IRS4: variants seen among roughly 807,000 people sequenced by gnomAD.
The protein encoded by IRS4 is insulin receptor substrate 4, also known as 160 kDa phosphotyrosine protein.
In IRS4, 15 loss-of-function variants were observed where a neutral mutation model predicts 48.6. The observed-to-expected ratio is 0.31, with a 90% CI of 0.21 to 0.48. The LOEUF (loss-of-function observed/expected upper bound fraction) is 0.48, where lower values mean the gene tolerates loss of function less well. Ranked by LOEUF, IRS4 falls within the 20% of genes least tolerant of loss-of-function variation. The probability of loss-of-function intolerance (pLI) is 0.99; values close to 1 mark genes in which losing one functional copy is unlikely to be tolerated. For synonymous variants in IRS4, 459 were observed against 413.2 expected (o/e 1.11, Z -1.34); for missense variants, 987 against 1,023.4 (o/e 0.96, Z 0.49).
chrX:108,735,985 G>A lies in IRS4; in HGVS notation c.360C>T (p.His120=). The A allele has an allele frequency of 1.7e-6, 2 of 1,209,714 alleles. No individual in the cohort carries two copies. The highest frequency in any genetic ancestry group is 2.2e-6 in the Non-Finnish European group (2 of 894,862). The change falls in exon 1 of 2, where the codon CAC becomes CAT. Residue 120 remains histidine (H), a synonymous_variant. Transcript: ENST00000372129. ...CTGCAGCCGCCGCGGCGCGGACACT[G>A]TGCCGGAACTTCCTGGCATTTTCGT... is the stretch of plus-strand genomic sequence containing the variant. The part of the protein sequence containing the change: ...EYYENARKFR[H]SVRAAAAAAA...
In IRS4 at chrX:108,733,601, G is replaced by A; in HGVS notation, c.2744C>T (p.Ala915Val). ...GTTGACGTAGTCACTAGAGCTGTCA[G>A]CTTCTCTCTGCTCATGTGTGGGCTT... is the stretch of plus-strand genomic sequence containing the variant. The part of the protein sequence containing the change: ...PQKPTHEQRE[A>V]DSSSDYVNMD... The change falls in exon 1 of 2, where the codon GCT (alanine) becomes GTT (valine). Residue 915 changes from alanine to valine, a missense_variant. Transcript: ENST00000372129. The A allele has an allele frequency of 8.3e-7, 1 of 1,212,035 alleles. No homozygotes were observed. Among genetic ancestry groups the A allele is most frequent in the South Asian group, 1.8e-5 (1 of 57,031 alleles).
rs2068925428 is a variant in IRS4 at position 108,733,770 on chromosome X, A to T, written c.2575T>A (p.Ser859Thr). The change falls in exon 1 of 2, where the codon TCA (serine) becomes ACA (threonine). Residue 859 changes from serine to threonine, a missense_variant. By Grantham distance (58) the Ser-to-Thr change is moderately conservative. Coordinates refer to ENST00000372129, the MANE Select transcript of IRS4 (RefSeq NM_001379150.1). ...GGCTTTGAGAATGATCCCTCACCTGAAGGCTTTGAAGCTGCATCTTTGGGG... is the reference window on the plus strand; with the variant it reads ...GGCTTTGAGAATGATCCCTCACCTGTAGGCTTTGAAGCTGCATCTTTGGGG... ...WDPKDAASKP[S>T]GEGSFSKPGD... The T allele has an allele frequency of 1.7e-6, 2 of 1,209,927 alleles. No individual in the cohort carries two copies. Among genetic ancestry groups the T allele is most frequent in the Admixed American group, 4.4e-5 (2 of 45,819 alleles).
intron 1 of IRS4, among the ~76,000 whole-genome samples, chrX:108,730,345 C>T (rs1340118401): frequency 2.9e-5 from 3 of 102,089 alleles, no homozygotes; most frequent in African/African-American, 1.1e-4. Flanking sequence ...ACCCCCCCGC[C>T]GGCAATCCCC....
At chrX:108,726,201 T>C (rs1212651555) in intron 1 of IRS4, 2 of 112,785 alleles carry the variant, frequency 1.8e-5, no homozygotes, top group African/African-American at 6.4e-5. Flanking sequence ...TAATGGTGGA[T>C]AGGTTTATAG....
In IRS4 at chrX:108,733,295, A is replaced by G. The variant is rs1262166840; in HGVS notation, c.3050T>C (p.Ile1017Thr). 7 of 1,209,968 alleles carry G rather than the reference A, an allele frequency of 5.8e-6. No homozygotes were observed. The highest frequency in any genetic ancestry group is 3.0e-5 in the East Asian group (1 of 33,776). ...SNAIEEEGDY[I>T]EVIFNSAMTP... The stretch of plus-strand genomic sequence containing the variant: ...CATTGCTGAGTTGAAAATTACTTCA[A>G]TGTAGTCACCCTCTTCCTCAATAGC... Residue 1017 changes from isoleucine (I) to threonine (T), a missense_variant, in exon 1 of 2, where the codon ATT becomes ACT. Around this residue, in one of 4 missense-constraint regions of IRS4, gnomAD observed 720 missense variants for 660.3 expected, o/e 1.09. Coordinates refer to ENST00000372129, the MANE Select transcript of IRS4 (RefSeq NM_001379150.1).
Position 108,733,595 on chromosome X carries a change from C to A in IRS4, c.2750G>T (p.Ser917Ile). 2.5e-6 allele frequency: 3 copies of A among 1,212,100 alleles called. No individual in the cohort carries two copies. The highest frequency in any genetic ancestry group is 3.3e-6 in the Non-Finnish European group (3 of 895,579). ...GTCCATGTTGACGTAGTCACTAGAG[C>A]TGTCAGCTTCTCTCTGCTCATGTGT... ...KPTHEQREADSSSDYVNMDFT... is the reference protein window; with the variant it reads ...KPTHEQREADISSDYVNMDFT... Residue 917 changes from serine to isoleucine, a missense_variant, in exon 1 of 2, where the codon AGC (serine) becomes ATC (isoleucine). Around this residue, in one of 4 missense-constraint regions of IRS4, gnomAD observed 720 missense variants for 660.3 expected, o/e 1.09. Transcript: ENST00000372129.
chrX:108,733,741 T>C lies in IRS4; in HGVS notation c.2604A>G (p.Gly868=). 2 of 1,211,962 alleles carry C rather than the reference T, an allele frequency of 1.7e-6. No individual in the cohort carries two copies. The highest frequency in any genetic ancestry group is 3.0e-5 in the East Asian group (1 of 33,842). The change falls in exon 1 of 2, where the codon GGA becomes GGG. Residue 868 remains glycine (G), a synonymous_variant. Coordinates refer to ENST00000372129, the MANE Select transcript of IRS4 (RefSeq NM_001379150.1). ...PSGEGSFSKP[G]DGGSPSKPSD... is the part of the protein sequence containing the mutation. Reference sequence around the variant, plus strand: ...AAGGCTTTGAAGGTGATCCCCCATCTCCAGGCTTTGAGAATGATCCCTCAC... The same window carrying C: ...AAGGCTTTGAAGGTGATCCCCCATCCCCAGGCTTTGAGAATGATCCCTCAC...
chrX:108,723,079 T>C (rs2068861336), intron 1 of IRS4: 1 of 111,975 alleles, frequency 8.9e-6, no homozygotes, highest in Non-Finnish European at 1.9e-5. Context: ...CTTTCTGCTT[T>C]TGAGTGGGTG....
Position 108,733,469 on chromosome X carries a change from T to C in IRS4, c.2876A>G (p.Tyr959Cys), listed in dbSNP as rs753244682. The stretch of plus-strand genomic sequence containing the variant: ...TGGCACTCCAAACTCAACATTCACA[T>C]AATTAGAAAAGGCTGACTGTCTGGG... The part of the protein sequence containing the change: ...AEPRQSAFSN[Y>C]VNVEFGVPFP... Residue 959 changes from tyrosine to cysteine, a missense_variant, in exon 1 of 2, where the codon TAT (tyrosine) becomes TGT (cysteine). Coordinates refer to ENST00000372129, the MANE Select transcript of IRS4 (RefSeq NM_001379150.1). 2.0e-5 allele frequency: 24 copies of C among 1,209,792 alleles called. No homozygotes were observed. Among genetic ancestry groups the C allele is most frequent in the African/African-American group, 3.5e-5 (2 of 57,035 alleles).
At chrX:108,731,759 T>C (rs752147114) in intron 1 of IRS4, among the ~76,000 whole-genome samples, 251 of 112,100 alleles carry the variant, frequency 2.2e-3, no homozygotes, top group Non-Finnish European at 3.5e-3. Flanking sequence ...ATAATATTCA[T>C]ATCCATTCTC....
chrX:108,736,497 G>A lies in IRS4; in HGVS notation c.-153C>T. The A allele has an allele frequency of 2.1e-6, 2 of 946,395 alleles. No homozygotes were observed. Among genetic ancestry groups the A allele is most frequent in the South Asian group, 4.8e-5 (2 of 41,882 alleles). 78.0% of individuals were successfully genotyped at this position (946,395 alleles called of 1,213,427 possible). On this transcript the variant is annotated 5_prime_UTR_variant, in exon 1 of 2. Transcript: ENST00000372129. Reference sequence around the variant, plus strand: ...CCCACTCCACTCTGAGCGCACGACAGCGGGCAAAACAACACGTGACCACAG... The same window carrying A: ...CCCACTCCACTCTGAGCGCACGACAACGGGCAAAACAACACGTGACCACAG...
intron 1 of IRS4, 49 bp downstream of exon 1, chrX:108,732,530 T>A (rs755195982): frequency 8.3e-7 from 1 of 1,210,272 alleles, no homozygotes; most frequent in Non-Finnish European, 1.1e-6. Flanking sequence ...CATCGAATCA[T>A]TAGACAATGA....
rs1396579588 is a variant in IRS4, at chrX:108,722,187, T to A, written c.*332A>T. 2 of 112,582 alleles carry A rather than the reference T, an allele frequency of 1.8e-5. No homozygotes were observed. Among genetic ancestry groups the A allele is most frequent in the African/African-American group, 6.5e-5 (2 of 30,843 alleles). The allele number at this position is 112,582 out of a possible 1,213,427, so 9.3% of individuals were successfully genotyped here. ...ATATGTATTCTAAGTTACTTTTTTT[T>A]AAAGAGGGAAAGAGTTATGAGATGC... On this transcript the variant is annotated 3_prime_UTR_variant, in exon 2 of 2. Transcript: ENST00000372129.
In IRS4 at chrX:108,735,970, C is replaced by A. The variant is rs1393800599; in HGVS notation, c.375G>T (p.Ala125=). Residue 125 remains alanine (A), a synonymous_variant, in exon 1 of 2, where the codon GCG becomes GCT. Coordinates refer to ENST00000372129, the MANE Select transcript of IRS4 (RefSeq NM_001379150.1). ...AGGCGGCCGCCGCTGCTGCAGCCGC[C>A]GCGGCGCGGACACTGTGCCGGAACT... ...ARKFRHSVRA[A]AAAAAAAASG... is the part of the protein sequence containing the mutation. 2.5e-6 allele frequency: 3 copies of A among 1,207,814 alleles called. No individual in the cohort carries two copies. Among genetic ancestry groups the A allele is most frequent in the Non-Finnish European group, 2.2e-6 (2 of 893,869 alleles).
rs763753087 is a variant in IRS4 at position 108,733,059 on chromosome X, C to T, written c.3286G>A (p.Ala1096Thr). 8.3e-7 allele frequency: 1 copy of T among 1,211,785 alleles called. No individual in the cohort carries two copies. Among genetic ancestry groups the T allele is most frequent in the South Asian group, 1.8e-5 (1 of 57,011 alleles). ...QSRSQSFFAA[A>T]RAAVSAFPTD... is the part of the protein sequence containing the mutation. The stretch of plus-strand genomic sequence containing the variant: ...GGAAAAGCAGAGACAGCGGCTCTGG[C>T]TGCTGCAAAGAAACTTTGAGAACGG... The change falls in exon 1 of 2, where the codon GCC (alanine) becomes ACC (threonine). Residue 1096 changes from alanine (A) to threonine (T), a missense_variant. Coordinates refer to ENST00000372129, the MANE Select transcript of IRS4 (RefSeq NM_001379150.1).
chrX:108,727,607 C>T lies in IRS4; in HGVS notation c.3766+4972G>A, dbSNP rs755237835. ...CAAGCAACGTTTTCTAGTAAATGAT[C>T]CTCACTATCTAAGAGTCTGGCAGCA... is the stretch of plus-strand genomic sequence containing the variant. On this transcript the variant is annotated intron_variant, in intron 1 of 1. Transcript: ENST00000372129. Among the ~76,000 whole-genome samples, 4 of 112,170 alleles carry T rather than the reference C, an allele frequency of 3.6e-5. No individual in the cohort carries two copies. The South Asian group carries it at 1.5e-3, about 41-fold the overall frequency.
intron 1 of IRS4, chrX:108,726,871 G>A (rs2148014384): frequency 8.9e-6 from 1 of 112,176 alleles, no homozygotes; most frequent in African/African-American, 3.2e-5. Flanking sequence ...AGTAGGGCAG[G>A]CAGCACAGCC....
intron 1 of IRS4, among the ~76,000 whole-genome samples, chrX:108,727,651 C>T (rs896400763): frequency 8.9e-6 from 1 of 112,264 alleles, no homozygotes; most frequent in Non-Finnish European, 1.9e-5. Flanking sequence ...AGAAAATATA[C>T]TGAAAGTTTT....
rs746736690 is a variant in IRS4, at chrX:108,734,437, TGGA to T, written c.1905_1907del (p.Pro639del). ...CACCAGTTCCTCCAGCTGGTGGGGG[TGGA>T]GGAGGAGGTGGTGGAGGTGGTGGCA... On this transcript the variant is annotated inframe_deletion, in exon 1 of 2. Transcript: ENST00000372129. 6.0e-5 allele frequency: 73 copies of T among 1,209,522 alleles called. No individual in the cohort carries two copies. The highest frequency in any genetic ancestry group is 7.6e-5 in the Non-Finnish European group (68 of 895,115).
Sources: gnomAD v4.1 joint callset for allele counts (sites outside exome capture counted in the v4.1 genomes callset) on GRCh38, gnomAD v4.1.1 for gene constraint, gnomAD v4.1.1 regional missense constraint, MANE v1.5 for transcripts, NCBI Gene and HGNC (gene_info 2026-07-23, HGNC 2026-07-21) for gene names.